Variants in PPP2R2A observed in about 807,000 individuals in gnomAD.
The protein encoded by PPP2R2A is protein phosphatase 2 regulatory subunit Balpha.
PPP2R2A carries 9 observed loss-of-function variants against 53.2 expected under a neutral mutation model. The observed-to-expected ratio is 0.17, with a 90% CI of 0.10 to 0.30. The LOEUF is 0.30. Ranked by LOEUF, PPP2R2A falls within the 10% of genes least tolerant of loss-of-function variation. The pLI, the probability that PPP2R2A is intolerant of heterozygous loss-of-function variation, is 1.00. For synonymous variants in PPP2R2A, 169 were observed against 174.2 expected, an observed-to-expected ratio of 0.97 and a Z score of 0.23; for missense variants, 235 against 534.6, an observed-to-expected ratio of 0.44 and a Z score of 5.53.
intron 2 of PPP2R2A, among the ~76,000 whole-genome samples, chr8:26,298,352 C>T (rs1801635179): frequency 6.6e-6 from 1 of 152,218 alleles, no homozygotes; most frequent in Non-Finnish European, 1.5e-5. Flanking sequence ...CGCTGGGTTC[C>T]TTGGTGCTTC....
chr8:26,304,225 G>A (rs536978648), intron 2 of PPP2R2A, among the ~76,000 whole-genome samples: 1 of 151,966 alleles, frequency 6.6e-6, no homozygotes, highest in Non-Finnish European at 1.5e-5. Context: ...GATAATATGG[G>A]AGGGATTAAT....
intron 2 of PPP2R2A, among the ~76,000 whole-genome samples, chr8:26,335,074 C>T (rs1198694210): frequency 6.6e-6 from 1 of 152,196 alleles, no homozygotes; most frequent in Admixed American, 6.5e-5. Flanking sequence ...GATCTGAGTG[C>T]TCTGCAGCAC....
chr8:26,337,322 G>A (rs1430346969), intron 2 of PPP2R2A, among the ~76,000 whole-genome samples: 1 of 152,198 alleles, frequency 6.6e-6, no homozygotes, highest in Non-Finnish European at 1.5e-5. Context: ...AAGAATTTGT[G>A]TCTTCAGGGT....
intron 2 of PPP2R2A, among the ~76,000 whole-genome samples, chr8:26,308,348 A>G (rs1405784900): frequency 1.3e-5 from 2 of 152,162 alleles, no homozygotes; most frequent in African/African-American, 2.4e-5. Context: ...GTAGCATGCA[A>G]TGCTCTTTAA....
chr8:26,292,396 T>G, intron 1 of PPP2R2A: 1 of 985,732 alleles, frequency 1.0e-6, no homozygotes, highest in South Asian at 4.7e-5. Context: ...AACCATTTCG[T>G]TTCCGTTTCT....
intron 1 of PPP2R2A, chr8:26,292,135 C>G (rs987816829): frequency 8.2e-7 from 1 of 1,216,458 alleles, no homozygotes; most frequent in African/African-American, 1.6e-5. Context: ...GTCCCTCCCG[C>G]TCGGGAGCCT....
intron 2 of PPP2R2A, among the ~76,000 whole-genome samples, chr8:26,315,903 A>G (rs570838399): frequency 1.3e-5 from 2 of 152,292 alleles, no homozygotes; most frequent in African/African-American, 4.8e-5. Context: ...CTTTTCATTC[A>G]TGTCTAGAAC....
At chr8:26,340,202 A>G (rs1048250146) in intron 3 of PPP2R2A, among the ~76,000 whole-genome samples, 2 of 152,046 alleles carry the variant, frequency 1.3e-5, no homozygotes, top group Non-Finnish European at 2.9e-5. Flanking sequence ...TAGAGTTGAC[A>G]TGGAACCTTA....
intron 2 of PPP2R2A, among the ~76,000 whole-genome samples, chr8:26,301,713 C>G (rs1255770903): frequency 1.3e-5 from 2 of 152,102 alleles, no homozygotes; most frequent in Non-Finnish European, 2.9e-5. Flanking sequence ...ATCATTTAGT[C>G]CAGTGGTTCT....
At chr8:26,363,542 C>G in intron 7 of PPP2R2A, 179 bp from the exon 8 acceptor site, 2 of 530,796 alleles carry the variant, frequency 3.8e-6, no homozygotes, top group Non-Finnish European at 6.3e-6. Context: ...CTTCAATATT[C>G]AATTAAACTA....
At chr8:26,339,589 C>T (rs1803840382) in intron 3 of PPP2R2A, among the ~76,000 whole-genome samples, 2 of 152,024 alleles carry the variant, frequency 1.3e-5, no homozygotes, top group Admixed American at 6.5e-5. Context: ...ACAACTTAGG[C>T]ACACTTCTAA....
intron 2 of PPP2R2A, among the ~76,000 whole-genome samples, chr8:26,332,443 C>T (rs1387695001): frequency 6.6e-6 from 1 of 150,580 alleles, no homozygotes; most frequent in Non-Finnish European, 1.5e-5. Context: ...CAATTCCTCT[C>T]AGTTGTTTCT....
At position 26,292,758 on chromosome 8, in the gene PPP2R2A, A is replaced by G. The variant is rs546812144; in HGVS notation, c.8-908A>G. ...ATCTTTTCCTTCATGTAGTAGAATC[A>G]GTTGCAGATTTAGATTCAGTTTCTT... On this transcript the variant is annotated intron_variant, in intron 1 of 9. Transcript: ENST00000380737. 3.9e-5 allele frequency among the ~76,000 whole-genome samples: 6 copies of G among 152,326 alleles called. No individual in the cohort carries two copies. In the East Asian group the frequency reaches 1.2e-3, roughly 29 times the overall value.
In PPP2R2A at chr8:26,315,606, A is replaced by G. The variant is rs1016407274; in HGVS notation, c.82+21866A>G. Among the ~76,000 whole-genome samples the G allele has an allele frequency of 2.6e-5, 4 of 152,204 alleles. No individual in the cohort carries two copies. The East Asian group carries it at 7.7e-4, about 29-fold the overall frequency. On this transcript the variant is annotated intron_variant, in intron 2 of 9. Coordinates refer to ENST00000380737, the MANE Select transcript of PPP2R2A (RefSeq NM_002717.4). ...GTGTCTTGCATAGATGTTTCAACCA[A>G]TAGCTGTTTTGAGTCTCATGCTTCA...
chr8:26,292,960 G>A (rs1004777580), intron 1 of PPP2R2A, among the ~76,000 whole-genome samples: 1 of 152,214 alleles, frequency 6.6e-6, no homozygotes, highest in East Asian at 1.9e-4. Context: ...CAAGTTGCTT[G>A]TTGGCCTTGT....
chr8:26,366,064 T>C, intron 8 of PPP2R2A: 1 of 376,896 alleles, frequency 2.7e-6, no homozygotes, highest in East Asian at 5.0e-5. Context: ...TTCAGGCTTA[T>C]AAAGGCTATG....
rs567447236 is a variant in PPP2R2A, at chr8:26,371,268, A to G, written c.*855A>G. On this transcript the variant is annotated 3_prime_UTR_variant, in exon 10 of 10. Transcript: ENST00000380737. ...AATTATTTTTAACAAGTGTTCTTTTACATGCAGGAGGAGAGGTATTGGTTC... is the reference window on the plus strand; with the variant it reads ...AATTATTTTTAACAAGTGTTCTTTTGCATGCAGGAGGAGAGGTATTGGTTC... The G allele has an allele frequency of 6.6e-6, 1 of 151,534 alleles. No homozygotes were observed. Among genetic ancestry groups the G allele is most frequent in the African/African-American group, 2.4e-5 (1 of 41,360 alleles). 9.4% of individuals were successfully genotyped at this position (151,534 alleles called of 1,614,324 possible). A position where few individuals can be genotyped will look rare whatever the true frequency, so the allele number is the denominator to read the frequency against.
At chr8:26,348,308 AAGTT>A (rs1167759134) in intron 3 of PPP2R2A, among the ~76,000 whole-genome samples, 1 of 152,206 alleles carries the variant, frequency 6.6e-6, no homozygotes, top group Non-Finnish European at 1.5e-5. Context: ...AGGAAGGAGA[AAGTT>A]AGTACAGGTT....
intron 3 of PPP2R2A, among the ~76,000 whole-genome samples, chr8:26,346,443 T>C (rs1804221009): frequency 6.6e-6 from 1 of 152,152 alleles, no homozygotes; most frequent in Non-Finnish European, 1.5e-5. Context: ...ACCCAGCTGG[T>C]TATTACATTA....
Sources: allele counts gnomAD v4.1 joint callset (sites outside exome capture counted in the v4.1 genomes callset), GRCh38; gene constraint gnomAD v4.1.1; transcripts MANE v1.5; gene names NCBI Gene and HGNC (gene_info 2026-07-23, HGNC 2026-07-21).